Variants in PPP5C observed in about 807,000 individuals in gnomAD.
PPP5C encodes the protein protein phosphatase 5 catalytic subunit, also known as serine/threonine-protein phosphatase 5.
A neutral mutation model predicts 66.7 loss-of-function variants in PPP5C; 21 were observed. The observed-to-expected ratio is 0.31, with a 90% CI of 0.22 to 0.45. The LOEUF (loss-of-function observed/expected upper bound fraction) is 0.45. PPP5C is among the 20% of genes least tolerant of loss of function. The pLI is 1.00. For missense variants in PPP5C, 464 were observed against 675.9 expected, an observed-to-expected ratio of 0.69 and a Z score of 3.48; for synonymous variants, 246 against 257.4, an observed-to-expected ratio of 0.96 and a Z score of 0.43.
chr19:46,365,773 C>G (rs916026714), intron 2 of PPP5C, among the ~76,000 whole-genome samples: 1 of 152,164 alleles, frequency 6.6e-6, no homozygotes, highest in Non-Finnish European at 1.5e-5. Flanking sequence ...ATTTTCTCTT[C>G]TCTTTGAGGC....
chr19:46,351,434 T>G (rs1206575158), intron 1 of PPP5C, among the ~76,000 whole-genome samples: 2 of 152,190 alleles, frequency 1.3e-5, no homozygotes, highest in Non-Finnish European at 2.9e-5. Context: ...TTTGCCTGCT[T>G]CTTTTGCTGC....
chr19:46,390,286 T>G lies in PPP5C; in HGVS notation c.1440T>G (p.Pro480=), dbSNP rs772017908. The change falls in exon 13 of 13, where the codon CCT becomes CCG. Residue 480 remains proline (P), a splice_region_variant and synonymous_variant. Transcript: ENST00000012443. ...TCCCACCTGCCCTGGTCCCACAGCC[T>G]CATCCCAACGTCAAGCCCATGGCCT... ...RPQFHQFTAV[P]HPNVKPMAYA... is the part of the protein sequence containing the mutation. 2 of 1,593,068 alleles carry G rather than the reference T, an allele frequency of 1.3e-6. No homozygotes were observed. The highest frequency in any genetic ancestry group is 2.3e-5 in the South Asian group (2 of 88,366).
At chr19:46,385,280 A>G (rs1972862470) in intron 7 of PPP5C, among the ~76,000 whole-genome samples, 1 of 152,122 alleles carries the variant, frequency 6.6e-6, no homozygotes, top group Non-Finnish European at 1.5e-5. Context: ...GGGAGTAAGG[A>G]GACTGTTGAC....
In PPP5C at chr19:46,379,812, G is replaced by A. The variant is rs149055740; in HGVS notation, c.633+3238G>A. Among the ~76,000 whole-genome samples, 4 of 152,226 alleles carry A rather than the reference G, an allele frequency of 2.6e-5. No individual in the cohort carries two copies. The East Asian group carries it at 5.8e-4, about 22-fold the overall frequency. On this transcript the variant is annotated intron_variant, in intron 4 of 12. Transcript: ENST00000012443. ...ACTCCCTTAGGCATCCATTATATCC[G>A]CAGTGAATTAACTCCTCTCCTGTGA...
chr19:46,384,010 G>T, intron 6 of PPP5C, 132 bp downstream of exon 6: 2 of 775,968 alleles, frequency 2.6e-6, no homozygotes, highest in Non-Finnish European at 4.2e-6. Flanking sequence ...CCATGCTGGG[G>T]CACCAAGGTG....
At chr19:46,350,550 C>T (rs1450846018) in intron 1 of PPP5C, among the ~76,000 whole-genome samples, 1 of 152,162 alleles carries the variant, frequency 6.6e-6, no homozygotes, top group Non-Finnish European at 1.5e-5. Flanking sequence ...CTGGCCCAGG[C>T]CCCTTGCTGT....
chr19:46,364,284 C>G (rs889516538), intron 2 of PPP5C, among the ~76,000 whole-genome samples: 8 of 152,118 alleles, frequency 5.3e-5, no homozygotes, highest in Admixed American at 2.6e-4. Flanking sequence ...GACTATAGAG[C>G]TCTTTAAAAA....
At chr19:46,358,649 G>T (rs1972328463) in intron 2 of PPP5C, among the ~76,000 whole-genome samples, 1 of 152,222 alleles carries the variant, frequency 6.6e-6, no homozygotes, top group Non-Finnish European at 1.5e-5. Context: ...CAGCCTGGGA[G>T]CCTCAGGTTA....
rs1015683495 is a variant in PPP5C at position 46,390,551 on chromosome 19, G to C, written c.*205G>C. Reference sequence around the variant, plus strand: ...CCAGAGGGTCTGCTCCCTGGACAGAGAGGAAGGAGGTGGAGCAGCTGGGGC... The same window carrying C: ...CCAGAGGGTCTGCTCCCTGGACAGACAGGAAGGAGGTGGAGCAGCTGGGGC... On this transcript the variant is annotated 3_prime_UTR_variant, in exon 13 of 13. Transcript: ENST00000012443. 5 of 1,414,786 alleles carry C rather than the reference G, an allele frequency of 3.5e-6. No homozygotes were observed. The South Asian group carries it at 7.5e-5, about 21-fold the overall frequency. The allele number at this position is 1,414,786 out of a possible 1,614,324, so 87.6% of individuals were successfully genotyped here.
At position 46,383,537 on chromosome 19, in the gene PPP5C, G is replaced by A. The variant is rs1217872118; in HGVS notation, c.699+61G>A. The A allele has an allele frequency of 1.3e-6, 2 of 1,481,516 alleles. No individual in the cohort carries two copies. Among genetic ancestry groups the A allele is most frequent in the Non-Finnish European group, 1.8e-6 (2 of 1,088,624 alleles). 91.8% of individuals were successfully genotyped at this position (1,481,516 alleles called of 1,614,324 possible). A position where few individuals can be genotyped will look rare whatever the true frequency, so the allele number is the denominator to read the frequency against. On this transcript the variant is annotated intron_variant, in intron 5 of 12. Coordinates refer to ENST00000012443, the MANE Select transcript of PPP5C (RefSeq NM_006247.4). The surrounding 1 kb of genome is among the most constrained non-coding windows in gnomAD (Gnocchi z 5.0). ...GGGGTGGGCTCTCTGGCTGGGGAGG[G>A]GCCACAGAGCTCAGGAACTCACGGA...
intron 2 of PPP5C, among the ~76,000 whole-genome samples, chr19:46,359,052 T>G (rs1972336283): frequency 6.6e-6 from 1 of 152,204 alleles, no homozygotes; most frequent in South Asian, 2.1e-4. Flanking sequence ...TTGGTCAAAA[T>G]CTTTCTTTTT....
chr19:46,384,958 G>A, intron 7 of PPP5C, 49 bp downstream of exon 7: 1 of 1,357,322 alleles, frequency 7.4e-7, no homozygotes, highest in Non-Finnish European at 1.1e-6. Context: ...GTCCTGAGTG[G>A]GGCACTCACT....
chr19:46,370,942 A>G (rs1327595733), intron 2 of PPP5C, among the ~76,000 whole-genome samples: 2 of 152,014 alleles, frequency 1.3e-5, no homozygotes, highest in South Asian at 4.1e-4. Context: ...GGGTTTCACT[A>G]TGTTAGCCAG....
chr19:46,376,554 C>T lies in PPP5C; in HGVS notation c.613C>T (p.His205Tyr). 1 of 1,613,802 alleles carries T rather than the reference C, an allele frequency of 6.2e-7. No individual in the cohort carries two copies. Among genetic ancestry groups the T allele is most frequent in the Non-Finnish European group, 8.5e-7 (1 of 1,179,818 alleles). Residue 205 changes from histidine (H) to tyrosine (Y), a missense_variant, in exon 4 of 13, where the codon CAC becomes TAC. Physicochemically the swap from His to Tyr is moderately conservative, Grantham distance 83. Transcript: ENST00000012443. This position sits in a 1 kb window ranked among gnomAD's most constrained non-coding sequence, Gnocchi z 5.1. Reference sequence around the variant, plus strand: ...GTGGTACAAGGACCAGAAGAAACTGCACCGGAAATGTGCCTACCAGGTAAT... The same window carrying T: ...GTGGTACAAGGACCAGAAGAAACTGTACCGGAAATGTGCCTACCAGGTAAT... ...MQWYKDQKKL[H>Y]RKCAYQILVQ...
At chr19:46,360,457 T>C (rs1219022184) in intron 2 of PPP5C, among the ~76,000 whole-genome samples, 1 of 152,158 alleles carries the variant, frequency 6.6e-6, no homozygotes, top group Non-Finnish European at 1.5e-5. Flanking sequence ...GACTTAATTT[T>C]AGAATTTGAA....
intron 2 of PPP5C, among the ~76,000 whole-genome samples, chr19:46,362,234 G>A (rs747266946): frequency 1.3e-5 from 2 of 152,140 alleles, no homozygotes; most frequent in Non-Finnish European, 2.9e-5. Flanking sequence ...ATTTTTAACT[G>A]TTAGTCATGT....
intron 1 of PPP5C, among the ~76,000 whole-genome samples, chr19:46,353,377 C>T (rs998112979): frequency 6.6e-6 from 1 of 152,174 alleles, no homozygotes; most frequent in Admixed American, 6.5e-5. Context: ...CATCTCTCCT[C>T]CCCCTGCCCA....
intron 2 of PPP5C, among the ~76,000 whole-genome samples, chr19:46,369,892 C>T (rs1201374264): frequency 6.8e-6 from 1 of 147,948 alleles, no homozygotes; most frequent in Non-Finnish European, 1.5e-5. Flanking sequence ...AGCCATTGCA[C>T]TCCAGCCTGG....
rs75678212 is a variant in PPP5C at position 46,374,391 on chromosome 19, G to A, written c.364-1213G>A. 2.8e-3 allele frequency among the ~76,000 whole-genome samples: 424 copies of A among 152,276 alleles called. 10 individuals are homozygous for A. The East Asian group carries it at 0.074, about 26-fold the overall frequency. On this transcript the variant is annotated intron_variant, in intron 2 of 12. Transcript: ENST00000012443. ...ACCTCCCAGTCTGTCCTCTGGCACAGGAGATACGGGGGTCTGCTCCTGGGG... is the reference window on the plus strand; with the variant it reads ...ACCTCCCAGTCTGTCCTCTGGCACAAGAGATACGGGGGTCTGCTCCTGGGG...
Sources: allele counts gnomAD v4.1 joint callset (sites outside exome capture counted in the v4.1 genomes callset), GRCh38; gene constraint gnomAD v4.1.1; non-coding constraint Gnocchi (gnomAD v3.1); transcripts MANE v1.5; gene names NCBI Gene and HGNC (gene_info 2026-07-23, HGNC 2026-07-21).